GPLD1: variants seen among roughly 807,000 people sequenced by gnomAD.
GPLD1 encodes phosphatidylinositol-glycan-specific phospholipase D.
GPLD1 carries 84 observed loss-of-function variants against 112.6 expected under a neutral mutation model. The observed-to-expected ratio is 0.75, with a 90% CI of 0.63 to 0.89. GPLD1 has a LOEUF of 0.89. Among genes scored for constraint, GPLD1 ranks in the 40% least tolerant of loss-of-function variants. GPLD1 has a pLI of 0.00. For missense variants in GPLD1, 1,044 were observed against 1,051.5 expected (o/e 0.99, Z 0.10); for synonymous variants, 386 against 403.8 (o/e 0.96, Z 0.53).
chr6:24,443,720 G>A (rs1199969486), intron 20 of GPLD1, among the ~76,000 whole-genome samples: 1 of 152,036 alleles, frequency 6.6e-6, no homozygotes, highest in African/African-American at 2.4e-5. Context: ...ACCCAGGCTG[G>A]AGTGCAGTGG....
chr6:24,436,786 A>C lies in GPLD1; in HGVS notation c.2198-50T>G, dbSNP rs190013701. On this transcript the variant is annotated intron_variant, in intron 21 of 24. Transcript: ENST00000230036. ...AGGAAGTATTTGACTCCTCACTGTC[A>C]TCTTTTCCTTGTTCCGCTACTGGAT... 176 of 1,575,540 alleles carry C rather than the reference A, an allele frequency of 1.1e-4. No individual in the cohort carries two copies. In the African/African-American group the frequency reaches 2.2e-3, roughly 19 times the overall value.
rs1164079276 is a variant in GPLD1 at position 24,436,636 on chromosome 6, G to C, written c.2298C>G (p.Thr766=). ...ATTTGCCAGTCATGTCACCAAGGGT[G>C]GTCTCTTTGCCATTATATACATATA... The part of the protein sequence containing the change: ...GRVYVYNGKE[T]TLGDMTGKCK... Residue 766 remains threonine, a synonymous_variant, in exon 22 of 25, where the codon ACC becomes ACG. Transcript: ENST00000230036. 6.2e-7 allele frequency: 1 copy of C among 1,613,862 alleles called. No individual in the cohort carries two copies. The highest frequency in any genetic ancestry group is 1.1e-5 in the South Asian group (1 of 91,078).
intron 21 of GPLD1, among the ~76,000 whole-genome samples, 157 bp downstream of exon 21, chr6:24,436,956 C>T (rs1366783417): frequency 6.6e-6 from 1 of 152,234 alleles, no homozygotes; most frequent in Non-Finnish European, 1.5e-5. Context: ...AGAAGTGCAA[C>T]TCCCTCTCTG....
At chr6:24,477,382 C>T (rs1581781591) in intron 3 of GPLD1, among the ~76,000 whole-genome samples, 1 of 151,148 alleles carries the variant, frequency 6.6e-6, no homozygotes, top group East Asian at 1.9e-4. Context: ...GTCCTTGTTA[C>T]TGTAATTACA....
intron 14 of GPLD1, among the ~76,000 whole-genome samples, chr6:24,452,807 G>A (rs979046780): frequency 1.3e-5 from 2 of 151,214 alleles, no homozygotes; most frequent in African/African-American, 4.9e-5. Context: ...GTTCAGGTGT[G>A]CCATCTTATT....
intron 2 of GPLD1, among the ~76,000 whole-genome samples, chr6:24,485,762 T>C (rs1337980464): frequency 6.6e-6 from 1 of 151,444 alleles, no homozygotes; most frequent in Admixed American, 6.6e-5. Context: ...CTCCACCTCC[T>C]GGGTTCAAGC....
At chr6:24,435,107 G>A (rs538569387) in intron 22 of GPLD1, among the ~76,000 whole-genome samples, 3 of 151,334 alleles carry the variant, frequency 2.0e-5, no homozygotes, top group South Asian at 2.1e-4. Context: ...CGCCTCCCGG[G>A]TTCACGCCAT....
chr6:24,480,071 ATG>A, intron 2 of GPLD1, 112 bp from the exon 3 acceptor site: 1 of 671,274 alleles, frequency 1.5e-6, no homozygotes. Context: ...TATAGATGGA[ATG>A]AAAGGGAAAA....
upstream of GPLD1, chr6:24,489,615 CA>C: frequency 6.5e-7 from 1 of 1,550,050 alleles, no homozygotes; most frequent in Non-Finnish European, 8.7e-7. Flanking sequence ...TCTCTCTAAG[CA>C]GGTCACTGAC....
intron 5 of GPLD1, among the ~76,000 whole-genome samples, chr6:24,474,643 A>G (rs1017805672): frequency 1.3e-5 from 2 of 152,178 alleles, no homozygotes; most frequent in Non-Finnish European, 2.9e-5. Flanking sequence ...GGCAAGAAGA[A>G]TAAAAGGAAT....
At chr6:24,474,610 C>T (rs1396074636) in intron 5 of GPLD1, among the ~76,000 whole-genome samples, 1 of 152,152 alleles carries the variant, frequency 6.6e-6, no homozygotes, top group South Asian at 2.1e-4. Flanking sequence ...CCACTCTGCT[C>T]TTGTGGATGA....
intron 1 of GPLD1, chr6:24,494,948 T>TGC: frequency 7.8e-7 from 1 of 1,281,010 alleles, no homozygotes; most frequent in Non-Finnish European, 9.8e-7. Context: ...TGCGTTCCCG[T>TGC]GCGCGCGCGC....
chr6:24,459,367 C>T (rs1201614137), intron 12 of GPLD1, among the ~76,000 whole-genome samples: 1 of 151,586 alleles, frequency 6.6e-6, no homozygotes, highest in Admixed American at 6.6e-5. Context: ...AGTCCTCCCA[C>T]CTCAGCCTCC....
At chr6:24,474,455 A>G (rs1225411751) in intron 5 of GPLD1, among the ~76,000 whole-genome samples, 1 of 152,228 alleles carries the variant, frequency 6.6e-6, no homozygotes, top group Admixed American at 6.5e-5. Flanking sequence ...CCAATAAAGT[A>G]GAAGTATTAC....
At position 24,449,784 on chromosome 6, in the gene GPLD1, C is replaced by T. The variant is rs770043577; in HGVS notation, c.1446+5G>A. The T allele has an allele frequency of 5.0e-6, 8 of 1,595,280 alleles. No homozygotes were observed. In the African/African-American group the frequency reaches 1.1e-4, roughly 21 times the overall value. ...TCCTCCAACCCTATCCAGCAGCAGC[C>T]TTACTTTGTAGGTGAGCTGCTCGGA... On this transcript the variant is annotated splice_donor_5th_base_variant and intron_variant, in intron 15 of 24. Transcript: ENST00000230036.
chr6:24,443,448 G>A (rs1762812402), intron 20 of GPLD1, among the ~76,000 whole-genome samples: 1 of 152,064 alleles, frequency 6.6e-6, no homozygotes, highest in Non-Finnish European at 1.5e-5. Context: ...TTTCCTTCTG[G>A]GTGGCAAATG....
chr6:24,460,865 G>A (rs1161029551), intron 11 of GPLD1, among the ~76,000 whole-genome samples: 3 of 151,064 alleles, frequency 2.0e-5, no homozygotes, highest in Non-Finnish European at 4.4e-5. Context: ...TCAGCCTCCT[G>A]AGTAGCCTGG....
In GPLD1 at chr6:24,432,221, T is replaced by C. The variant is rs549807119; in HGVS notation, c.2436+966A>G. ...AAGACCACACCATTGCACTCCGGCC[T>C]AGGTGACAAGAGCCAGACTCTGTCT... is the stretch of plus-strand genomic sequence containing the variant. On this transcript the variant is annotated intron_variant, in intron 24 of 24. Transcript: ENST00000230036. 4.2e-3 allele frequency among the ~76,000 whole-genome samples: 546 copies of C among 130,334 alleles called. 3 individuals carry two copies. Among genetic ancestry groups the C allele is most frequent in the Non-Finnish European group, 4.1e-3 (268 of 65,218 alleles). 85.5% of individuals were successfully genotyped at this position (130,334 alleles called of 152,430 possible). A position where few individuals can be genotyped will look rare whatever the true frequency, so the allele number is the denominator to read the frequency against.
intron 15 of GPLD1, 89 bp from the exon 16 acceptor site, chr6:24,448,297 G>A: frequency 4.6e-6 from 4 of 873,084 alleles, no homozygotes; most frequent in Non-Finnish European, 7.5e-6. Flanking sequence ...ACTGACTCTG[G>A]GTCCAGGTAT....
Sources: allele counts gnomAD v4.1 joint callset (sites outside exome capture counted in the v4.1 genomes callset), GRCh38; gene constraint gnomAD v4.1.1; transcripts MANE v1.5; gene names NCBI Gene and HGNC (gene_info 2026-07-23, HGNC 2026-07-21).